Variants in CNTRL observed in about 807,000 individuals in gnomAD.
CNTRL encodes 110 kDa centrosomal protein.
Under a neutral mutation model 303.7 loss-of-function variants are expected in CNTRL, and 233 were observed. The ratio of observed to expected loss-of-function variants is 0.77; its 90% CI spans 0.69 to 0.86. The LOEUF is 0.86. CNTRL is among the 40% of genes least tolerant of loss of function. CNTRL has a pLI of 0.00. For missense variants in CNTRL, 2,524 were observed against 2,650.6 expected, an observed-to-expected ratio of 0.95 and a Z score of 1.05; for synonymous variants, 900 against 922.2, an observed-to-expected ratio of 0.98 and a Z score of 0.44.
In CNTRL at chr9:121,140,649, T is replaced by A; in HGVS notation, c.2346T>A (p.Asn782Lys). The A allele has an allele frequency of 6.2e-7, 1 of 1,609,690 alleles. No homozygotes were observed. Among genetic ancestry groups the A allele is most frequent in the African/African-American group, 1.3e-5 (1 of 74,972 alleles). The change falls in exon 17 of 44, where the codon AAT becomes AAA. Residue 782 changes from asparagine (N) to lysine (K), a missense_variant. Physicochemically the swap from Asn to Lys is moderately conservative, Grantham distance 94. Coordinates refer to ENST00000373855, the MANE Select transcript of CNTRL (RefSeq NM_007018.6). ...HAKLKHLQDD[N>K]NLLKQQLKDF... The stretch of plus-strand genomic sequence containing the variant: ...TTCATCCCCCTCCATAGGATGACAA[T>A]AATCTGTTAAAACAGCAACTTAAAG...
intron 1 of CNTRL, among the ~76,000 whole-genome samples, chr9:121,075,663 A>G (rs887725910): frequency 1.3e-5 from 2 of 152,220 alleles, no homozygotes; most frequent in African/African-American, 4.8e-5. Context: ...GACCCTGGAT[A>G]TGTGTCTGAG....
At chr9:121,164,515 AG>A (rs2053005542) in intron 34 of CNTRL, among the ~76,000 whole-genome samples, 1 of 152,248 alleles carries the variant, frequency 6.6e-6, no homozygotes, top group Non-Finnish European at 1.5e-5. Flanking sequence ...TGAATCTCAA[AG>A]TAACTACGTT....
In CNTRL at chr9:121,118,502, A is replaced by C; in HGVS notation, c.1612A>C (p.Ile538Leu). ...GCAGAAGGAGATTAAGGACCTGCAA[A>C]TAGCCATAGATAGCCTGGATTCCAA... ...GKQKEIKDLQ[I>L]AIDSLDSKDP... Residue 538 changes from isoleucine to leucine, a missense_variant, in exon 12 of 44, where the codon ATA becomes CTA. By Grantham distance (5) the Ile-to-Leu change is conservative. Transcript: ENST00000373855. 6.2e-7 allele frequency: 1 copy of C among 1,602,172 alleles called. No individual in the cohort carries two copies. Among genetic ancestry groups the C allele is most frequent in the Non-Finnish European group, 8.5e-7 (1 of 1,174,740 alleles).
intron 34 of CNTRL, among the ~76,000 whole-genome samples, 197 bp from the exon 35 acceptor site, chr9:121,164,746 G>C (rs1235224837): frequency 1.3e-5 from 2 of 152,152 alleles, no homozygotes; most frequent in African/African-American, 4.8e-5. Flanking sequence ...TCAATTTAGT[G>C]AGTCAGTTTT....
At chr9:121,085,741 C>A (rs989494567) in intron 2 of CNTRL, among the ~76,000 whole-genome samples, 3 of 152,148 alleles carry the variant, frequency 2.0e-5, no homozygotes, top group African/African-American at 7.2e-5. Context: ...TTCCCTTTAA[C>A]GAATTCCCTT....
chr9:121,078,475 A>G (rs1472550076), intron 1 of CNTRL, among the ~76,000 whole-genome samples: 2 of 152,224 alleles, frequency 1.3e-5, no homozygotes, highest in African/African-American at 2.4e-5. Context: ...ATACGCTCAC[A>G]ACATGATTCC....
At chr9:121,121,899 C>A in intron 12 of CNTRL, 2 of 985,428 alleles carry the variant, frequency 2.0e-6, no homozygotes, top group Non-Finnish European at 2.4e-6. Context: ...GTTCCGCCCA[C>A]AGTTTCTCTG....
In CNTRL at chr9:121,177,230, C is replaced by G; in HGVS notation, c.*44C>G. The G allele has an allele frequency of 6.6e-7, 1 of 1,511,206 alleles. No homozygotes were observed. Among genetic ancestry groups the G allele is most frequent in the Non-Finnish European group, 9.2e-7 (1 of 1,091,436 alleles). The allele number at this position is 1,511,206 out of a possible 1,614,324, so 93.6% of individuals were successfully genotyped here. On this transcript the variant is annotated 3_prime_UTR_variant, in exon 44 of 44. Transcript: ENST00000373855. ...AATATATTCAAGGAAAACACCTCCA[C>G]TACCTCACTGACTTCATAATTGGAA...
rs554348324 is a variant in CNTRL at position 121,096,366 on chromosome 9, A to G, written c.480-56A>G. 49 of 1,111,060 alleles carry G rather than the reference A, an allele frequency of 4.4e-5. No individual in the cohort carries two copies. In the South Asian group the frequency reaches 4.6e-4, roughly 10 times the overall value. The allele number at this position is 1,111,060 out of a possible 1,614,324, so 68.8% of individuals were successfully genotyped here. The stretch of plus-strand genomic sequence containing the variant: ...TAAAGCTGTTTATTCTAAAAATACA[A>G]TGGAGAGACTCTATAATTGTACTCA... On this transcript the variant is annotated intron_variant, in intron 5 of 43. Transcript: ENST00000373855.
chr9:121,126,970 C>G (rs370673070), intron 14 of CNTRL, among the ~76,000 whole-genome samples: 2 of 152,008 alleles, frequency 1.3e-5, no homozygotes, highest in African/African-American at 4.8e-5. Context: ...TACAGGCATT[C>G]ACCACCTGCC....
chr9:121,078,694 A>G (rs973483518), intron 1 of CNTRL, among the ~76,000 whole-genome samples: 2 of 152,254 alleles, frequency 1.3e-5, no homozygotes, highest in Non-Finnish European at 2.9e-5. Flanking sequence ...CTGACCAGCT[A>G]TAAATCAGAG....
intron 14 of CNTRL, among the ~76,000 whole-genome samples, chr9:121,126,784 ACTTT>A (rs763435875): frequency 5.3e-5 from 8 of 151,534 alleles, no homozygotes; most frequent in Admixed American, 3.3e-4. Flanking sequence ...ATATTTGGCC[ACTTT>A]CTTTCTTCCT....
intron 5 of CNTRL, among the ~76,000 whole-genome samples, chr9:121,095,431 C>T (rs2048847831): frequency 6.6e-6 from 1 of 152,100 alleles, no homozygotes; most frequent in African/African-American, 2.4e-5. Context: ...CTTATTGCTA[C>T]AAGAAATATG....
chr9:121,105,583 T>C (rs2049426274), intron 7 of CNTRL, among the ~76,000 whole-genome samples: 1 of 152,052 alleles, frequency 6.6e-6, no homozygotes, highest in Non-Finnish European at 1.5e-5. Context: ...CAGGCAGTGG[T>C]TGGGAGACGA....
chr9:121,164,502 G>A (rs1212908649), intron 34 of CNTRL, among the ~76,000 whole-genome samples: 1 of 152,156 alleles, frequency 6.6e-6, no homozygotes, highest in Non-Finnish European at 1.5e-5. Flanking sequence ...TACACAACAT[G>A]GATGAATCTC....
chr9:121,113,807 T>A, intron 10 of CNTRL, 83 bp downstream of exon 10: 1 of 818,134 alleles, frequency 1.2e-6, no homozygotes, highest in Non-Finnish European at 1.7e-6. Flanking sequence ...ATAAGTCTTT[T>A]AATTGAACAT....
In CNTRL at chr9:121,177,371, C is replaced by G; in HGVS notation, c.*185C>G. 1 of 487,762 alleles carries G rather than the reference C, an allele frequency of 2.1e-6. No homozygotes were observed. The highest frequency in any genetic ancestry group is 3.6e-6 in the Non-Finnish European group (1 of 278,662). The allele number at this position is 487,762 out of a possible 1,614,324, so 30.2% of individuals were successfully genotyped here. On this transcript the variant is annotated 3_prime_UTR_variant, in exon 44 of 44. Transcript: ENST00000373855. ...TTTTATAAATCACTTGTACATAGTA[C>G]ATATGGGAATAGTTGCATATGGGAA...
intron 8 of CNTRL, among the ~76,000 whole-genome samples, chr9:121,109,113 T>C (rs956371022): frequency 6.6e-6 from 1 of 152,188 alleles, no homozygotes; most frequent in African/African-American, 2.4e-5. Flanking sequence ...TAAAATGGTG[T>C]AGTATTTGCA....
In CNTRL at chr9:121,102,987, A is replaced by G. The variant is rs576090672; in HGVS notation, c.808+4415A>G. Among the ~76,000 whole-genome samples the G allele has an allele frequency of 5.9e-5, 9 of 152,350 alleles. No homozygotes were observed. In the South Asian group the frequency reaches 1.9e-3, roughly 32 times the overall value. ...GGCCATACTGCCCAAGGTAATTTATAGATTCAATGCCATCCCCATCAAGCT... is the reference window on the plus strand; with the variant it reads ...GGCCATACTGCCCAAGGTAATTTATGGATTCAATGCCATCCCCATCAAGCT... On this transcript the variant is annotated intron_variant, in intron 7 of 43. Transcript: ENST00000373855.
Sources: gnomAD v4.1 joint callset for allele counts (sites outside exome capture counted in the v4.1 genomes callset) on GRCh38, gnomAD v4.1.1 for gene constraint, MANE v1.5 for transcripts, NCBI Gene and HGNC (gene_info 2026-07-23, HGNC 2026-07-21) for gene names.